Variants in YTHDF3 observed in about 807,000 individuals in gnomAD.
YTHDF3 encodes YTH domain-containing family protein 3.
YTHDF3 carries 9 observed loss-of-function variants against 52.5 expected under a neutral mutation model. The observed-to-expected ratio is 0.17, with a 90% CI of 0.10 to 0.30. The LOEUF (loss-of-function observed/expected upper bound fraction) is 0.30, where lower values mean the gene tolerates loss of function less well. Ranked by LOEUF, YTHDF3 falls within the 10% of genes least tolerant of loss-of-function variation. The probability of loss-of-function intolerance (pLI) is 1.00; values close to 1 mark genes in which losing one functional copy is unlikely to be tolerated. For missense variants in YTHDF3, 534 were observed against 715.0 expected, an observed-to-expected ratio of 0.75 and a Z score of 2.89; for synonymous variants, 274 against 243.3, an observed-to-expected ratio of 1.13 and a Z score of -1.18.
intron 3 of YTHDF3, among the ~76,000 whole-genome samples, chr8:63,178,739 A>G (rs1401694945): frequency 6.6e-6 from 1 of 152,238 alleles, no homozygotes; most frequent in Non-Finnish European, 1.5e-5. Context: ...AACTGGGTTT[A>G]TTGAAAATTA....
chr8:63,192,097 G>C (rs977486931), intron 4 of YTHDF3, among the ~76,000 whole-genome samples: 1 of 152,188 alleles, frequency 6.6e-6, no homozygotes, highest in Non-Finnish European at 1.5e-5. Flanking sequence ...ATACAGAACA[G>C]TTTCGTCATC....
chr8:63,174,043 A>G (rs1172329486), intron 2 of YTHDF3, among the ~76,000 whole-genome samples: 1 of 151,976 alleles, frequency 6.6e-6, no homozygotes, highest in Non-Finnish European at 1.5e-5. Context: ...AGCCACTGTT[A>G]ACTCATAATA....
At chr8:63,205,106 G>T (rs1809936863) in intron 4 of YTHDF3, among the ~76,000 whole-genome samples, 1 of 152,038 alleles carries the variant, frequency 6.6e-6, no homozygotes, top group South Asian at 2.1e-4. Context: ...CTTTGCTCTA[G>T]GATCCTTGCT....
intron 4 of YTHDF3, among the ~76,000 whole-genome samples, chr8:63,188,186 A>G (rs1360471953): frequency 6.6e-6 from 1 of 151,364 alleles, no homozygotes; most frequent in East Asian, 2.0e-4. Flanking sequence ...TGCAGTGGCT[A>G]TTCACAGGTG....
At chr8:63,177,226 C>G (rs1394336732) in intron 3 of YTHDF3, among the ~76,000 whole-genome samples, 1 of 152,120 alleles carries the variant, frequency 6.6e-6, no homozygotes, top group Non-Finnish European at 1.5e-5. Context: ...AAAAGTAGTT[C>G]CCAATTTGTG....
rs1283838100 is a variant in YTHDF3, at chr8:63,210,086, C to G, written c.*380C>G. ...GTGGTTCAATGATGTAAGAGTCACACTGCTTCAACTTTTTCTTTGTTGTAG... is the reference window on the plus strand; with the variant it reads ...GTGGTTCAATGATGTAAGAGTCACAGTGCTTCAACTTTTTCTTTGTTGTAG... On this transcript the variant is annotated 3_prime_UTR_variant, in exon 5 of 5. Coordinates refer to ENST00000539294, the MANE Select transcript of YTHDF3 (RefSeq NM_152758.6). The G allele has an allele frequency of 5.9e-6, 1 of 168,124 alleles. No individual in the cohort carries two copies. The highest frequency in any genetic ancestry group is 2.4e-5 in the African/African-American group (1 of 42,182). 10.4% of individuals were successfully genotyped at this position (168,124 alleles called of 1,614,324 possible). A position where few individuals can be genotyped will look rare whatever the true frequency, so the allele number is the denominator to read the frequency against.
chr8:63,185,179 C>CTT (rs879541866), intron 3 of YTHDF3, among the ~76,000 whole-genome samples: 3 of 144,460 alleles, frequency 2.1e-5, no homozygotes, highest in African/African-American at 7.6e-5. Context: ...TAGTTTCAGA[C>CTT]TTTTTTTTTT....
At chr8:63,177,479 C>T (rs1807774245) in intron 3 of YTHDF3, among the ~76,000 whole-genome samples, 1 of 152,172 alleles carries the variant, frequency 6.6e-6, no homozygotes, top group African/African-American at 2.4e-5. Context: ...TTAAAATAAG[C>T]GTGATTTTAC....
intron 4 of YTHDF3, among the ~76,000 whole-genome samples, chr8:63,189,291 AGTCAGT>A (rs1808762375): frequency 6.6e-6 from 1 of 152,206 alleles, no homozygotes; most frequent in Non-Finnish European, 1.5e-5. Flanking sequence ...GGGCCACAAG[AGTCAGT>A]TCAACTAGGG....
chr8:63,171,510 G>A (rs1195055262), intron 2 of YTHDF3, among the ~76,000 whole-genome samples: 1 of 152,116 alleles, frequency 6.6e-6, no homozygotes, highest in Admixed American at 6.5e-5. Context: ...TCTTAAAAAT[G>A]GCAGATGCTA....
At chr8:63,172,742 T>C in intron 2 of YTHDF3, 5 of 1,230,822 alleles carry the variant, frequency 4.1e-6, no homozygotes, top group Non-Finnish European at 5.1e-6. Flanking sequence ...CTAAGGCCCA[T>C]GTTCTATCTT....
Position 63,210,613 on chromosome 8 carries a change from A to G in YTHDF3, c.*907A>G, listed in dbSNP as rs1243956253. On this transcript the variant is annotated 3_prime_UTR_variant, in exon 5 of 5. Coordinates refer to ENST00000539294, the MANE Select transcript of YTHDF3 (RefSeq NM_152758.6). ...TTATTACTCTAGGTATTCACTAGCT[A>G]AATAAACATAGTTCTTGTTTAGCAA... The G allele has an allele frequency of 6.6e-6, 1 of 152,604 alleles. No individual in the cohort carries two copies. Among genetic ancestry groups the G allele is most frequent in the East Asian group, 1.9e-4 (1 of 5,200 alleles). 9.5% of individuals were successfully genotyped at this position (152,604 alleles called of 1,614,324 possible).
chr8:63,191,613 TTAAATA>T (rs1369969987), intron 4 of YTHDF3, among the ~76,000 whole-genome samples: 1 of 152,150 alleles, frequency 6.6e-6, no homozygotes, highest in Non-Finnish European at 1.5e-5. Context: ...CTAAAAAAAA[TTAAATA>T]TAATAAAATT....
At chr8:63,175,634 A>G in intron 3 of YTHDF3, 1 of 413,780 alleles carries the variant, frequency 2.4e-6, no homozygotes, top group South Asian at 3.9e-5. Flanking sequence ...TATGAAATAT[A>G]GAATAAAGAT....
At chr8:63,202,295 T>C (rs1487112985) in intron 4 of YTHDF3, among the ~76,000 whole-genome samples, 2 of 152,210 alleles carry the variant, frequency 1.3e-5, no homozygotes, top group Admixed American at 6.5e-5. Flanking sequence ...GTTTGTTTCC[T>C]TTACAGTTTT....
chr8:63,172,912 TA>T, intron 2 of YTHDF3: 4 of 906,232 alleles, frequency 4.4e-6, no homozygotes, highest in Non-Finnish European at 4.3e-6. Context: ...TGTCATTAAG[TA>T]AATATTCAAA....
chr8:63,169,237 G>A (rs1807108589), intron 1 of YTHDF3, 150 bp from the exon 2 acceptor site: 1 of 1,303,946 alleles, frequency 7.7e-7, no homozygotes, highest in African/African-American at 1.5e-5. Flanking sequence ...GGGGGTGGTT[G>A]GGAAATTGGT....
intron 4 of YTHDF3, among the ~76,000 whole-genome samples, chr8:63,204,146 A>C (rs913792879): frequency 1.3e-5 from 2 of 151,332 alleles, no homozygotes; most frequent in African/African-American, 4.9e-5. Context: ...TTTTTCTTCT[A>C]CTGGAATATT....
At chr8:63,187,826 C>T in intron 4 of YTHDF3, 81 bp downstream of exon 4, 2 of 1,440,030 alleles carry the variant, frequency 1.4e-6, no homozygotes, top group Non-Finnish European at 1.8e-6. Flanking sequence ...AGTTTAAGAA[C>T]TTTCTGTGAA....
Sources: allele counts gnomAD v4.1 joint callset (sites outside exome capture counted in the v4.1 genomes callset), GRCh38; gene constraint gnomAD v4.1.1; transcripts MANE v1.5; gene names NCBI Gene and HGNC (gene_info 2026-07-23, HGNC 2026-07-21).